The following MYO1F variants were observed in gnomAD, a reference collection of about 807,000 sequenced individuals.
MYO1F encodes the protein myosin IF, also known as unconventional myosin-If.
MYO1F carries 60 observed loss-of-function variants against 146.6 expected under a neutral mutation model. That is an observed-to-expected ratio of 0.41 (90% CI 0.33 to 0.51). The LOEUF (loss-of-function observed/expected upper bound fraction) is 0.51, where lower values mean the gene tolerates loss of function less well. MYO1F is among the 20% of genes least tolerant of loss of function. The pLI is 0.25. For synonymous variants in MYO1F, 602 were observed against 602.1 expected (o/e 1.00, Z 0.00); for missense variants, 1,274 against 1,534.3 (o/e 0.83, Z 2.83).
intron 16 of MYO1F, among the ~76,000 whole-genome samples, chr19:8,539,218 T>C (rs1477273021): frequency 6.6e-6 from 1 of 151,808 alleles, no homozygotes; most frequent in Non-Finnish European, 1.5e-5. Context: ...AGTTCGAGAA[T>C]AGCCTGGCCA....
chr19:8,526,673 G>A, intron 23 of MYO1F, 72 bp from the exon 24 acceptor site: 2 of 1,549,390 alleles, frequency 1.3e-6, no homozygotes, highest in South Asian at 1.2e-5. Flanking sequence ...GCTGGTTGGG[G>A]CAGGGGCGGG....
intron 2 of MYO1F, chr19:8,555,407 G>GAAC (rs2145928484): frequency 8.0e-6 from 1 of 125,288 alleles, no homozygotes; most frequent in South Asian, 1.2e-4. Context: ...AAAAAAAAAA[G>GAAC]AACAAACAGG....
At chr19:8,544,013 G>GGTGGCA (rs1973213598) in intron 14 of MYO1F, 1 of 505,950 alleles carries the variant, frequency 2.0e-6, no homozygotes, top group Non-Finnish European at 3.5e-6. Flanking sequence ...TGGCGGTGGC[G>GGTGGCA]GTGGCGGTGG....
intron 16 of MYO1F, 46 bp downstream of exon 16, chr19:8,539,901 T>C: frequency 6.4e-7 from 1 of 1,558,970 alleles, no homozygotes; most frequent in Non-Finnish European, 8.8e-7. Context: ...AGGGTGGAAC[T>C]CAGCCCTCTG....
chr19:8,535,589 C>G (rs2967594), intron 19 of MYO1F, among the ~76,000 whole-genome samples: 1 of 151,882 alleles, frequency 6.6e-6, no homozygotes, highest in South Asian at 2.1e-4. Flanking sequence ...TTTTATTTTG[C>G]CTTTTTTCTG....
In MYO1F at chr19:8,542,003, A is replaced by G. The variant is rs1180435195; in HGVS notation, c.1525-12T>C. ...ACGTCGTAGGAGACCTGGAGGGGAC[A>G]GTGCTGAGGACAGTGAGGGACTGAG... On this transcript the variant is annotated splice_polypyrimidine_tract_variant and intron_variant, in intron 14 of 27. Transcript: ENST00000644032. The G allele has an allele frequency of 3.2e-6, 5 of 1,573,156 alleles. No homozygotes were observed. The highest frequency in any genetic ancestry group is 2.2e-5 in the South Asian group (2 of 90,516).
chr19:8,574,618 T>TTTCC (rs2042190579), intron 1 of MYO1F, among the ~76,000 whole-genome samples: 1 of 62,762 alleles, frequency 1.6e-5, no homozygotes, highest in African/African-American at 6.9e-5. Context: ...TCTTTCTTTC[T>TTTCC]TTCTTTCTTT....
intron 4 of MYO1F, 55 bp from the exon 5 acceptor site, chr19:8,553,492 T>C: frequency 7.0e-7 from 1 of 1,435,850 alleles, no homozygotes; most frequent in African/African-American, 1.4e-5. Context: ...CCCTTTTTAG[T>C]GCCTGACCAT....
chr19:8,539,872 C>T (rs1205488332), intron 16 of MYO1F, 75 bp downstream of exon 16: 4 of 1,317,280 alleles, frequency 3.0e-6, no homozygotes, highest in Admixed American at 3.5e-5. Context: ...ATGAGAGAAA[C>T]AGAGTCCGGA....
intron 14 of MYO1F, among the ~76,000 whole-genome samples, chr19:8,543,732 GTGCTGGTGGTGC>G (rs1568348683): frequency 8.5e-4 from 10 of 11,798 alleles, no homozygotes; most frequent in East Asian, 4.9e-3. Context: ...GGTGCTGGTG[GTGCTGGTGGTGC>G]TGGTGGTGGT....
chr19:8,556,496 A>AAGAAAGAAAGAAAGAAAG (rs1555727817), intron 1 of MYO1F, among the ~76,000 whole-genome samples: 41 of 141,750 alleles, frequency 2.9e-4, no homozygotes, highest in African/African-American at 1.1e-3. Context: ...GAAAGAAAGA[A>AAGAAAGAAAGAAAGAAAG]AGAAAGAAAG....
At chr19:8,527,963 C>T (rs1442230135) in intron 21 of MYO1F, among the ~76,000 whole-genome samples, 1 of 152,200 alleles carries the variant, frequency 6.6e-6, no homozygotes, top group East Asian at 1.9e-4. Context: ...ATGGCTCACG[C>T]CTGTAATCCC....
intron 1 of MYO1F, among the ~76,000 whole-genome samples, chr19:8,564,028 G>A (rs2041955690): frequency 6.6e-6 from 1 of 152,190 alleles, no homozygotes; most frequent in South Asian, 2.1e-4. Context: ...AGTTGAGTGT[G>A]TCCATTGTCT....
In MYO1F at chr19:8,577,329, G is replaced by A. The variant is rs1555734054; in HGVS notation, c.-20C>T. 6.2e-7 allele frequency: 1 copy of A among 1,613,872 alleles called. No individual in the cohort carries two copies. Among genetic ancestry groups the A allele is most frequent in the South Asian group, 1.1e-5 (1 of 91,008 alleles). On this transcript the variant is annotated 5_prime_UTR_variant, in exon 1 of 28. Transcript: ENST00000644032. The surrounding 1 kb of genome is among the most constrained non-coding windows in gnomAD (Gnocchi z 4.3). The stretch of plus-strand genomic sequence containing the variant: ...TACCATGGTGGGGGGCTGGTGTCTG[G>A]GCTCCTGGAGGCTCCTGAATGGGTC...
Position 8,541,940 on chromosome 19 carries a change from A to C in MYO1F, c.1576T>G (p.Ser526Ala). The C allele has an allele frequency of 6.2e-7, 1 of 1,613,512 alleles. No individual in the cohort carries two copies. Among genetic ancestry groups the C allele is most frequent in the Non-Finnish European group, 8.5e-7 (1 of 1,179,984 alleles). ...FCERNRDVLF[S>A]DLIELMQTSE... is the part of the protein sequence containing the mutation. The stretch of plus-strand genomic sequence containing the variant: ...GTCTGCATCAGCTCTATGAGGTCGG[A>C]GAAGAGAACGTCTCGGTTCCTCTCG... Residue 526 changes from serine to alanine, a missense_variant, in exon 15 of 28, where the codon TCC becomes GCC. Physicochemically the swap from Ser to Ala is moderately conservative, Grantham distance 99 (BLOSUM62 1). This residue lies in a region of MYO1F where 900 missense variants were observed against 1,155.1 expected (regional missense o/e 0.78). Transcript: ENST00000644032.
At chr19:8,534,630 A>ATT (rs111752889) in intron 19 of MYO1F, among the ~76,000 whole-genome samples, 15 of 129,924 alleles carry the variant, frequency 1.2e-4, no homozygotes, top group Non-Finnish European at 1.5e-4. Context: ...CATTTTACTA[A>ATT]TTTTTTTTTT....
intron 1 of MYO1F, among the ~76,000 whole-genome samples, chr19:8,575,072 C>G (rs1376702986): frequency 4.1e-5 from 6 of 148,060 alleles, no homozygotes; most frequent in Admixed American, 1.4e-4. Context: ...ATTAGATTTT[C>G]TTTTTCTTTT....
At position 8,553,892 on chromosome 19, in the gene MYO1F, ACACTCTCT is replaced by A. The variant is rs1471330779; in HGVS notation, c.327-463_327-456del. Among the ~76,000 whole-genome samples, 131 of 105,236 alleles carry A rather than the reference ACACTCTCT, an allele frequency of 1.2e-3. 1 individual carries two copies. Among genetic ancestry groups the A allele is most frequent in the African/African-American group, 4.3e-3 (122 of 28,354 alleles). 69.0% of individuals were successfully genotyped at this position (105,236 alleles called of 152,430 possible). A position where few individuals can be genotyped will look rare whatever the true frequency, so the allele number is the denominator to read the frequency against. Reference sequence around the variant, plus strand: ...GTCACACACACACACACACACACACACACTCTCTCTCTCTCTCTCTCTCTCTCTCTCGC... The same window carrying A: ...GTCACACACACACACACACACACACACTCTCTCTCTCTCTCTCTCTCTCGC... On this transcript the variant is annotated intron_variant, in intron 4 of 27. Transcript: ENST00000644032.
intron 19 of MYO1F, among the ~76,000 whole-genome samples, chr19:8,532,646 G>A (rs1972528500): frequency 6.6e-6 from 1 of 152,042 alleles, no homozygotes; most frequent in East Asian, 1.9e-4. Flanking sequence ...CAGCAGTTTG[G>A]GAGGCTAAGG....
Sources: gnomAD v4.1 joint callset for allele counts (sites outside exome capture counted in the v4.1 genomes callset) on GRCh38, gnomAD v4.1.1 for gene constraint, gnomAD v4.1.1 regional missense constraint, Gnocchi (gnomAD v3.1) non-coding constraint, MANE v1.5 for transcripts, NCBI Gene and HGNC (gene_info 2026-07-23, HGNC 2026-07-21) for gene names.